The following TMEM132D variants were observed in gnomAD, a reference collection of about 807,000 sequenced individuals.
TMEM132D encodes mature OL transmembrane protein.
TMEM132D carries 21 observed loss-of-function variants against 62.3 expected under a neutral mutation model. The observed-to-expected ratio is 0.34, with a 90% CI of 0.24 to 0.49. The LOEUF (loss-of-function observed/expected upper bound fraction) is 0.49. Among genes scored for constraint, TMEM132D ranks in the 20% least tolerant of loss-of-function variants. The pLI is 0.99. For missense variants in TMEM132D, 1,346 were observed against 1,402.8 expected (o/e 0.96, Z 0.65); for synonymous variants, 621 against 575.6 (o/e 1.08, Z -1.13).
intron 3 of TMEM132D, among the ~76,000 whole-genome samples, chr12:129,507,898 T>C (rs1875385739): frequency 6.6e-6 from 1 of 152,200 alleles, no homozygotes. Context: ...TTGATTTTCA[T>C]GTCTAACACT....
intron 2 of TMEM132D, among the ~76,000 whole-genome samples, chr12:129,693,787 A>T (rs1484477701): frequency 5.3e-5 from 8 of 152,208 alleles, no homozygotes; most frequent in Admixed American, 5.2e-4. Context: ...ATAATAGTAA[A>T]AAAACACACC....
At chr12:129,494,925 C>T (rs910572839) in intron 3 of TMEM132D, among the ~76,000 whole-genome samples, 2 of 152,176 alleles carry the variant, frequency 1.3e-5, no homozygotes, top group African/African-American at 2.4e-5. Flanking sequence ...GTGTCTACAG[C>T]AGTAATGGCA....
chr12:129,451,571 T>C (rs565868673), intron 3 of TMEM132D, among the ~76,000 whole-genome samples: 21 of 152,274 alleles, frequency 1.4e-4, no homozygotes, highest in African/African-American at 4.6e-4. Context: ...TGATAAAATA[T>C]GTGAAGCCAA....
chr12:129,237,843 G>A (rs1437570360), intron 4 of TMEM132D, among the ~76,000 whole-genome samples: 2 of 152,132 alleles, frequency 1.3e-5, no homozygotes, highest in African/African-American at 2.4e-5. Context: ...AGCTGGGCAC[G>A]GTGGCAGGAA....
At chr12:129,765,835 T>C (rs1369149507) in intron 1 of TMEM132D, among the ~76,000 whole-genome samples, 1 of 152,224 alleles carries the variant, frequency 6.6e-6, no homozygotes, top group African/African-American at 2.4e-5. Context: ...AGTCATGATT[T>C]TGCCCTTCTT....
chr12:129,483,785 G>A (rs968390678), intron 3 of TMEM132D, among the ~76,000 whole-genome samples: 9 of 152,198 alleles, frequency 5.9e-5, no homozygotes, highest in African/African-American at 1.7e-4. Flanking sequence ...TCATGGCTGC[G>A]TGAGAGCATT....
intron 3 of TMEM132D, among the ~76,000 whole-genome samples, chr12:129,373,467 C>A (rs1244289700): frequency 5.9e-5 from 9 of 151,910 alleles, no homozygotes; most frequent in Non-Finnish European, 1.0e-4. Flanking sequence ...CCCGTCTCTA[C>A]TAAAAATACA....
intron 1 of TMEM132D, among the ~76,000 whole-genome samples, chr12:129,846,592 C>T (rs77711401): frequency 0.017 from 2,601 of 152,196 alleles, 73 homozygotes; most frequent in African/African-American, 0.058. Flanking sequence ...ATTTCCTTTA[C>T]GGCTGGACAT....
intron 2 of TMEM132D, among the ~76,000 whole-genome samples, chr12:129,548,999 A>T (rs1876816221): frequency 6.6e-6 from 1 of 152,256 alleles, no homozygotes; most frequent in Non-Finnish European, 1.5e-5. Flanking sequence ...GTGATTGGTG[A>T]GAATTGTATC....
At chr12:129,191,504 C>T (rs916110669) in intron 5 of TMEM132D, among the ~76,000 whole-genome samples, 2 of 146,222 alleles carry the variant, frequency 1.4e-5, no homozygotes, top group African/African-American at 5.5e-5. Flanking sequence ...ATAAAATATA[C>T]ATAAATATAG....
At chr12:129,871,883 A>T (rs541041871) in intron 1 of TMEM132D, among the ~76,000 whole-genome samples, 276 of 152,286 alleles carry the variant, frequency 1.8e-3, no homozygotes, top group Non-Finnish European at 2.0e-3. Context: ...TCCGGCCTGG[A>T]TGTGATCTTT....
rs1437469920 is a variant in TMEM132D, at chr12:129,170,179, G to C, written c.1443+39341C>G. Reference sequence around the variant, plus strand: ...AGGGGTGAGGCAAAGAGGAGGAGCTGTTCCCACATGCTCTTACCATATGCA... The same window carrying C: ...AGGGGTGAGGCAAAGAGGAGGAGCTCTTCCCACATGCTCTTACCATATGCA... On this transcript the variant is annotated intron_variant, in intron 5 of 8. Transcript: ENST00000422113. 7 of 152,340 alleles carry C rather than the reference G, an allele frequency of 4.6e-5. No homozygotes were observed. The East Asian group carries it at 1.2e-3, about 25-fold the overall frequency. 9.4% of individuals were successfully genotyped at this position (152,340 alleles called of 1,614,324 possible).
intron 4 of TMEM132D, among the ~76,000 whole-genome samples, chr12:129,309,485 A>T (rs982372482): frequency 2.0e-5 from 3 of 152,168 alleles, no homozygotes; most frequent in Admixed American, 6.5e-5. Context: ...GGGAGTGGGT[A>T]AAATCCTTAG....
At chr12:129,689,341 A>G (rs1202887106) in intron 2 of TMEM132D, among the ~76,000 whole-genome samples, 1 of 152,240 alleles carries the variant, frequency 6.6e-6, no homozygotes, top group African/African-American at 2.4e-5. Flanking sequence ...TAGCTGAGAA[A>G]AATGGGGCAC....
chr12:129,285,539 A>AAAAAAAAAAAAAAAAAAAAG (rs56018646), intron 4 of TMEM132D, among the ~76,000 whole-genome samples: 30 of 90,044 alleles, frequency 3.3e-4, no homozygotes, highest in East Asian at 6.9e-4. Context: ...AAAAAAAAAA[A>AAAAAAAAAAAAAAAAAAAAG]AGAGAGAGAG....
At chr12:129,387,020 TACTAAC>T (rs1566052842) in intron 3 of TMEM132D, among the ~76,000 whole-genome samples, 1 of 151,948 alleles carries the variant, frequency 6.6e-6, no homozygotes, top group Non-Finnish European at 1.5e-5. Flanking sequence ...ACTCACACTA[TACTAAC>T]ACTAACAGTA....
At chr12:129,618,897 A>G (rs957767879) in intron 2 of TMEM132D, among the ~76,000 whole-genome samples, 2 of 152,178 alleles carry the variant, frequency 1.3e-5, no homozygotes, top group Non-Finnish European at 2.9e-5. Flanking sequence ...CATTGGTTCG[A>G]TCTGGAAGGG....
chr12:129,520,598 ATTGT>A (rs1875821488), intron 3 of TMEM132D, among the ~76,000 whole-genome samples: 1 of 90,764 alleles, frequency 1.1e-5, no homozygotes, highest in Non-Finnish European at 2.9e-5. Context: ...TTGTGAAAAG[ATTGT>A]TATTGTCAGA....
In TMEM132D at chr12:129,542,762, T is replaced by C. The variant is rs1396240809; in HGVS notation, c.969-11557A>G. Among the ~76,000 whole-genome samples the C allele has an allele frequency of 2.0e-5, 3 of 152,280 alleles. No individual in the cohort carries two copies. The East Asian group carries it at 5.8e-4, about 29-fold the overall frequency. The stretch of plus-strand genomic sequence containing the variant: ...GCACACAGTCATGCACTGCACGACA[T>C]TTTAGTCATCAATTAACTGCATGTA... On this transcript the variant is annotated intron_variant, in intron 2 of 8. Transcript: ENST00000422113.
Sources: gnomAD v4.1 joint callset for allele counts (sites outside exome capture counted in the v4.1 genomes callset) on GRCh38, gnomAD v4.1.1 for gene constraint, MANE v1.5 for transcripts, NCBI Gene and HGNC (gene_info 2026-07-23, HGNC 2026-07-21) for gene names.